Variants in BEND5 observed in about 807,000 individuals in gnomAD.
BEND5 encodes BEN domain containing 5, also known as BEN domain-containing protein 5.
A neutral mutation model predicts 43.9 loss-of-function variants in BEND5; 22 were observed. The ratio of observed to expected loss-of-function variants is 0.50; its 90% CI spans 0.36 to 0.72. BEND5 has a LOEUF of 0.72. BEND5 is among the 30% of genes least tolerant of loss of function. BEND5 has a pLI of 0.00. For missense variants in BEND5, 428 were observed against 550.6 expected (o/e 0.78, Z 2.23); for synonymous variants, 228 against 225.9 (o/e 1.01, Z -0.08).
intron 2 of BEND5, among the ~76,000 whole-genome samples, chr1:48,759,671 G>A (rs1464448296): frequency 6.6e-6 from 1 of 152,154 alleles, no homozygotes; most frequent in African/African-American, 2.4e-5. Flanking sequence ...ATGTATTTGT[G>A]GAGAATCAGG....
intron 1 of BEND5, among the ~76,000 whole-genome samples, chr1:48,763,010 A>G (rs1359272281): frequency 6.6e-6 from 1 of 152,164 alleles, no homozygotes; most frequent in African/African-American, 2.4e-5. Context: ...CACACTGAAC[A>G]TTCAATGGAT....
chr1:48,758,422 C>T (rs1644061843), intron 3 of BEND5, among the ~76,000 whole-genome samples: 1 of 152,238 alleles, frequency 6.6e-6, no homozygotes, highest in African/African-American at 2.4e-5. Context: ...ACTGAAGTCT[C>T]TCCATGCCCT....
intron 4 of BEND5, among the ~76,000 whole-genome samples, chr1:48,742,149 T>G (rs1466152707): frequency 6.6e-6 from 1 of 152,248 alleles, no homozygotes; most frequent in Non-Finnish European, 1.5e-5. Flanking sequence ...TGTTCTTCCC[T>G]GTATTCCTGT....
At position 48,761,437 on chromosome 1, in the gene BEND5, T is replaced by C; in HGVS notation, c.260A>G (p.Gln87Arg). ...DKSDLENSVMQKKIKIPKLSL... is the reference protein window; with the variant it reads ...DKSDLENSVMRKKIKIPKLSL... ...AAGCTTGGGGATTTTTATTTTCTTC[T>C]GCATCACACTGTTTTCAAGGTCAGA... The change falls in exon 2 of 6, where the codon CAG (glutamine) becomes CGG (arginine). Residue 87 changes from glutamine (Q) to arginine (R), a missense_variant. This residue lies in a region of BEND5 where 243 missense variants were observed against 286.4 expected (regional missense o/e 0.85). Transcript: ENST00000371833. The C allele has an allele frequency of 6.4e-7, 1 of 1,551,390 alleles. No homozygotes were observed.
At chr1:48,728,945 C>A (rs932450769) in intron 5 of BEND5, among the ~76,000 whole-genome samples, 23 of 152,312 alleles carry the variant, frequency 1.5e-4, no homozygotes, top group African/African-American at 5.5e-4. Context: ...AGTACGGCCA[C>A]TCTCTTACTG....
intron 1 of BEND5, among the ~76,000 whole-genome samples, chr1:48,768,975 C>T (rs2148684521): frequency 6.6e-6 from 1 of 152,254 alleles, no homozygotes. Flanking sequence ...AAAAAGAGTG[C>T]CCTGCTGTGG....
At chr1:48,763,261 T>G (rs556541246) in intron 1 of BEND5, among the ~76,000 whole-genome samples, 1 of 152,344 alleles carries the variant, frequency 6.6e-6, no homozygotes, top group Non-Finnish European at 1.5e-5. Flanking sequence ...CTTGGGTTCC[T>G]ATTTTCACAA....
chr1:48,774,618 T>C (rs1220445992), intron 1 of BEND5, among the ~76,000 whole-genome samples: 1 of 152,222 alleles, frequency 6.6e-6, no homozygotes, highest in Non-Finnish European at 1.5e-5. Context: ...ACCATACAGA[T>C]TTATCAACAT....
intron 5 of BEND5, among the ~76,000 whole-genome samples, chr1:48,735,868 C>T (rs568187460): frequency 6.6e-6 from 1 of 152,258 alleles, no homozygotes; most frequent in South Asian, 2.1e-4. Context: ...CCTCACCATA[C>T]ACATCTGTGT....
In BEND5 at chr1:48,736,525, A is replaced by T. The variant is rs1371169042; in HGVS notation, c.895-73T>A. 7.7e-7 allele frequency: 1 copy of T among 1,297,728 alleles called. No individual in the cohort carries two copies. The highest frequency in any genetic ancestry group is 1.1e-6 in the Non-Finnish European group (1 of 906,288). The allele number at this position is 1,297,728 out of a possible 1,614,324, so 80.4% of individuals were successfully genotyped here. On this transcript the variant is annotated intron_variant, in intron 4 of 5. Transcript: ENST00000371833. This position sits in a 1 kb window ranked among gnomAD's most constrained non-coding sequence, Gnocchi z 4.0. ...AGTGGGAGGCTTCTCTTGTCCTTTA[A>T]AAAGCATTGCTGCACAACTGTAAGA...
At chr1:48,757,422 T>A (rs573980083) in intron 3 of BEND5, among the ~76,000 whole-genome samples, 3 of 152,234 alleles carry the variant, frequency 2.0e-5, no homozygotes, top group South Asian at 2.1e-4. Flanking sequence ...CGACTTTTCG[T>A]GTCACTGTGA....
At chr1:48,761,265 C>T in intron 2 of BEND5, 72 bp downstream of exon 2, 1 of 1,448,288 alleles carries the variant, frequency 6.9e-7, no homozygotes, top group Non-Finnish European at 9.2e-7. Context: ...GGAAGCCAGA[C>T]TGAAACTCTT....
intron 1 of BEND5, among the ~76,000 whole-genome samples, chr1:48,765,122 T>C (rs547689654): frequency 6.1e-4 from 93 of 152,354 alleles, no homozygotes; most frequent in African/African-American, 2.2e-3. Flanking sequence ...CTACACATCC[T>C]ACCTACCTTC....
intron 3 of BEND5, among the ~76,000 whole-genome samples, chr1:48,752,560 A>T (rs1401175185): frequency 2.0e-5 from 3 of 152,330 alleles, no homozygotes; most frequent in African/African-American, 7.2e-5. Flanking sequence ...TCCAGGGTTG[A>T]CCAAAGATTA....
chr1:48,740,227 G>A (rs1428661338), intron 4 of BEND5, among the ~76,000 whole-genome samples: 1 of 152,178 alleles, frequency 6.6e-6, no homozygotes, highest in Non-Finnish European at 1.5e-5. Flanking sequence ...AAGGGCCCCT[G>A]AGGTTAGCAA....
Position 48,759,131 on chromosome 1 carries a change from T to C in BEND5, c.514A>G (p.Ser172Gly), listed in dbSNP as rs138896175. ...EASPGTEDMD[S>G]LEDAVVPRAL... Reference sequence around the variant, plus strand: ...CGGGGCACCACAGCATCTTCTAGACTGTCCATGTCCTCTGTGCCTGGCGAG... The same window carrying C: ...CGGGGCACCACAGCATCTTCTAGACCGTCCATGTCCTCTGTGCCTGGCGAG... The change falls in exon 3 of 6, where the codon AGT (serine) becomes GGT (glycine). Residue 172 changes from serine to glycine, a missense_variant. By Grantham distance (56) the Ser-to-Gly change is moderately conservative. Coordinates refer to ENST00000371833, the MANE Select transcript of BEND5 (RefSeq NM_024603.4). The C allele has an allele frequency of 1.3e-4, 205 of 1,613,792 alleles. 2 individuals are homozygous for C. In the Middle Eastern group the frequency reaches 1.5e-3, roughly 12 times the overall value.
intron 5 of BEND5, among the ~76,000 whole-genome samples, chr1:48,732,650 G>A (rs1648330673): frequency 6.6e-6 from 1 of 152,106 alleles, no homozygotes; most frequent in African/African-American, 2.4e-5. Context: ...CCTGGAAGAA[G>A]GCCTCCAGGG....
chr1:48,754,028 C>T (rs1652145391), intron 3 of BEND5, among the ~76,000 whole-genome samples: 1 of 152,202 alleles, frequency 6.6e-6, no homozygotes, highest in Non-Finnish European at 1.5e-5. Context: ...AGGATTATGT[C>T]TGCTCCTCTT....
intron 1 of BEND5, among the ~76,000 whole-genome samples, chr1:48,775,341 C>G (rs1557981373): frequency 1.3e-5 from 2 of 152,278 alleles, no homozygotes; most frequent in South Asian, 4.1e-4. Flanking sequence ...TGAGACTGAG[C>G]TAACTTGCCA....
Sources: allele counts gnomAD v4.1 joint callset (sites outside exome capture counted in the v4.1 genomes callset), GRCh38; gene constraint gnomAD v4.1.1; regional missense constraint gnomAD v4.1.1; non-coding constraint Gnocchi (gnomAD v3.1); transcripts MANE v1.5; gene names NCBI Gene and HGNC (gene_info 2026-07-23, HGNC 2026-07-21).